Variants in CNTN5 observed in about 807,000 individuals in gnomAD.
The protein encoded by CNTN5 is contactin-5.
Under a neutral mutation model 129.1 loss-of-function variants are expected in CNTN5, and 77 were observed. The ratio of observed to expected loss-of-function variants is 0.60; its 90% CI spans 0.50 to 0.72. CNTN5 has a LOEUF of 0.72. Among genes scored for constraint, CNTN5 ranks in the 30% least tolerant of loss-of-function variants. CNTN5 has a pLI of 0.00. For synonymous variants in CNTN5, 509 were observed against 465.6 expected, an observed-to-expected ratio of 1.09 and a Z score of -1.20; for missense variants, 1,478 against 1,328.8, an observed-to-expected ratio of 1.11 and a Z score of -1.75.
chr11:99,609,450 C>G (rs914878592), intron 3 of CNTN5, among the ~76,000 whole-genome samples: 1 of 152,054 alleles, frequency 6.6e-6, no homozygotes, highest in Admixed American at 6.6e-5. Context: ...GGTTCTTTTT[C>G]TTTTCATAAG....
chr11:99,171,214 T>C (rs1045632378), intron 1 of CNTN5, among the ~76,000 whole-genome samples: 2 of 152,198 alleles, frequency 1.3e-5, no homozygotes, highest in African/African-American at 4.8e-5. Context: ...TAGATACATA[T>C]GCCATCAATT....
rs1259030085 is a variant in CNTN5 at position 100,097,847 on chromosome 11, T to C, written c.1580+23553T>C. 2.0e-5 allele frequency among the ~76,000 whole-genome samples: 3 copies of C among 152,122 alleles called. No homozygotes were observed. In the East Asian group the frequency reaches 5.8e-4, roughly 29 times the overall value. ...AATGAGACAGAATGCATATTGTATATTGGAGGCAAAACTATATCCTCTGTT... is the reference window on the plus strand; with the variant it reads ...AATGAGACAGAATGCATATTGTATACTGGAGGCAAAACTATATCCTCTGTT... On this transcript the variant is annotated intron_variant, in intron 13 of 24. Transcript: ENST00000524871.
chr11:99,965,719 A>G (rs919238119), intron 8 of CNTN5, among the ~76,000 whole-genome samples: 14 of 151,940 alleles, frequency 9.2e-5, no homozygotes, highest in Middle Eastern at 3.2e-3. Flanking sequence ...TATCCTTGTT[A>G]ACTTTCTGTC....
chr11:99,963,120 C>A (rs1380115547), intron 8 of CNTN5, among the ~76,000 whole-genome samples: 1 of 152,168 alleles, frequency 6.6e-6, no homozygotes, highest in African/African-American at 2.4e-5. Flanking sequence ...CCTGTTCAAT[C>A]TGATGGTAGT....
At chr11:99,592,581 G>A (rs1019754487) in intron 3 of CNTN5, among the ~76,000 whole-genome samples, 31 of 152,030 alleles carry the variant, frequency 2.0e-4, no homozygotes, top group African/African-American at 7.5e-4. Context: ...GACATCATGA[G>A]TAGAGAAAAT....
intron 2 of CNTN5, among the ~76,000 whole-genome samples, chr11:99,471,860 A>G (rs1295147109): frequency 3.9e-5 from 6 of 152,084 alleles, no homozygotes; most frequent in Admixed American, 3.9e-4. Context: ...CTCAGAAATT[A>G]TATCTCTGTT....
chr11:100,345,515 A>C (rs1226599804), intron 23 of CNTN5, among the ~76,000 whole-genome samples: 7 of 152,102 alleles, frequency 4.6e-5, no homozygotes, highest in Non-Finnish European at 1.0e-4. Context: ...GGTGTCAGCA[A>C]CATATATAAC....
intron 9 of CNTN5, among the ~76,000 whole-genome samples, chr11:100,007,061 GTCAAT>G: frequency 6.6e-6 from 1 of 152,168 alleles, no homozygotes; most frequent in East Asian, 1.9e-4. Flanking sequence ...GAGATGCATT[GTCAAT>G]GGACAGTATT....
In CNTN5 at chr11:99,897,999, C is replaced by T. The variant is rs1479844567; in HGVS notation, c.578-18055C>T. ...GAAAAAGCAGGTTGAACAACAGCAT[C>T]AAGTCAGAAATCAAAATAAAAAGTT... On this transcript the variant is annotated intron_variant, in intron 6 of 24. Coordinates refer to ENST00000524871, the MANE Select transcript of CNTN5 (RefSeq NM_014361.4). Among the ~76,000 whole-genome samples, 6 of 152,030 alleles carry T rather than the reference C, an allele frequency of 3.9e-5. 1 individual carries two copies. Among genetic ancestry groups the T allele is most frequent in the Admixed American group, 3.9e-4 (6 of 15,258 alleles).
intron 1 of CNTN5, among the ~76,000 whole-genome samples, chr11:99,102,581 A>C (rs1866793098): frequency 6.6e-6 from 1 of 152,110 alleles, no homozygotes; most frequent in South Asian, 2.1e-4. Flanking sequence ...GCAGGGGCAA[A>C]ATGCCACCAA....
At chr11:99,828,620 T>C (rs1050341038) in intron 4 of CNTN5, among the ~76,000 whole-genome samples, 9 of 152,300 alleles carry the variant, frequency 5.9e-5, no homozygotes, top group Non-Finnish European at 8.8e-5. Context: ...AAATAGAAAG[T>C]TAATTATCAA....
At chr11:99,110,356 G>A (rs190607508) in intron 1 of CNTN5, among the ~76,000 whole-genome samples, 5 of 152,228 alleles carry the variant, frequency 3.3e-5, no homozygotes, top group Non-Finnish European at 7.4e-5. Flanking sequence ...TCAGATTGCT[G>A]ATTTAGTATG....
chr11:99,668,776 G>A (rs674852), intron 3 of CNTN5, among the ~76,000 whole-genome samples: 100,925 of 151,942 alleles, frequency 0.66, 34,635 homozygotes, highest in Admixed American at 0.78. Context: ...AAAAACTACA[G>A]AAATAAAATT....
chr11:99,839,413 A>G (rs1947408103), intron 4 of CNTN5, among the ~76,000 whole-genome samples: 1 of 151,884 alleles, frequency 6.6e-6, no homozygotes, highest in Non-Finnish European at 1.5e-5. Flanking sequence ...CAAGCGTTTT[A>G]TATATATATA....
rs551399252 is a variant in CNTN5, at chr11:99,159,439, G to T, written c.-210+138169G>T. Among the ~76,000 whole-genome samples, 27 of 152,190 alleles carry T rather than the reference G, an allele frequency of 1.8e-4. No homozygotes were observed. The South Asian group carries it at 3.5e-3, about 20-fold the overall frequency. ...AGATCGAGACCATCCTGGCTAACGC[G>T]GTGAAGCCCCGCCTCTACTAAAAAT... On this transcript the variant is annotated intron_variant, in intron 1 of 24. Transcript: ENST00000524871.
chr11:99,462,066 A>C (rs1372168648), intron 2 of CNTN5, among the ~76,000 whole-genome samples: 1 of 152,184 alleles, frequency 6.6e-6, no homozygotes, highest in East Asian at 1.9e-4. Flanking sequence ...ATTTAGTTTC[A>C]TTTAAATAAC....
chr11:99,276,440 T>C (rs559845895), intron 1 of CNTN5, among the ~76,000 whole-genome samples: 1 of 151,794 alleles, frequency 6.6e-6, no homozygotes, highest in African/African-American at 2.4e-5. Context: ...AGCATCTGTA[T>C]CTTTCCTGTA....
chr11:99,642,694 T>A (rs1951813914), intron 3 of CNTN5, among the ~76,000 whole-genome samples: 1 of 152,148 alleles, frequency 6.6e-6, no homozygotes, highest in Admixed American at 6.6e-5. Context: ...CACCAAAACT[T>A]ATTCCTCCTG....
At chr11:100,244,007 A>G (rs939278412) in intron 16 of CNTN5, among the ~76,000 whole-genome samples, 33 of 151,976 alleles carry the variant, frequency 2.2e-4, no homozygotes, top group Non-Finnish European at 3.5e-4. Context: ...ATAATGTTTC[A>G]TTCTCATTAT....
Sources: allele counts gnomAD v4.1 joint callset (sites outside exome capture counted in the v4.1 genomes callset), GRCh38; gene constraint gnomAD v4.1.1; transcripts MANE v1.5; gene names NCBI Gene and HGNC (gene_info 2026-07-23, HGNC 2026-07-21).